The following UACA variants were observed in gnomAD, a reference collection of about 807,000 sequenced individuals.
The protein encoded by UACA is uveal autoantigen with coiled-coil domains and ankyrin repeats, also known as nuclear membrane binding protein.
In UACA, 112 loss-of-function variants were observed where a neutral mutation model predicts 160.5. The observed-to-expected ratio is 0.70, with a 90% CI of 0.60 to 0.82. UACA has a LOEUF of 0.82. Among genes scored for constraint, UACA ranks in the 40% least tolerant of loss-of-function variants. The pLI is 0.00. For synonymous variants in UACA, 557 were observed against 568.4 expected (o/e 0.98, Z 0.29); for missense variants, 1,574 against 1,614.6 (o/e 0.97, Z 0.43).
At chr15:70,688,331 T>C (rs1757763352) in intron 5 of UACA, among the ~76,000 whole-genome samples, 2 of 152,172 alleles carry the variant, frequency 1.3e-5, no homozygotes, top group Admixed American at 1.3e-4. Flanking sequence ...CACATTATGC[T>C]TCTTTGACTA....
intron 16 of UACA, among the ~76,000 whole-genome samples, chr15:70,665,821 C>T (rs1177893985): frequency 6.6e-6 from 1 of 152,166 alleles, no homozygotes; most frequent in Non-Finnish European, 1.5e-5. Flanking sequence ...CAGTCTGTGT[C>T]TGTGTTTACT....
chr15:70,769,000 C>T, the UACA span, among the ~76,000 whole-genome samples: 1 of 152,104 alleles, frequency 6.6e-6, no homozygotes. Flanking sequence ...CCACCAGTTA[C>T]TCCATCACAA....
rs1035500924 is a variant in UACA at position 70,655,206 on chromosome 15, T to G, written c.*1850A>C. ...AAAATAAAACACTTAATATGAATAC[T>G]CAGTTTTAAACTTTGCTCTAAGTTT... On this transcript the variant is annotated 3_prime_UTR_variant, in exon 19 of 19. Coordinates refer to ENST00000322954, the MANE Select transcript of UACA (RefSeq NM_018003.4). 3 of 152,170 alleles carry G rather than the reference T, an allele frequency of 2.0e-5. No individual in the cohort carries two copies. Among genetic ancestry groups the G allele is most frequent in the Non-Finnish European group, 4.4e-5 (3 of 68,034 alleles). The allele number at this position is 152,170 out of a possible 1,614,324, so 9.4% of individuals were successfully genotyped here. A position where few individuals can be genotyped will look rare whatever the true frequency, so the allele number is the denominator to read the frequency against.
At position 70,668,598 on chromosome 15, in the gene UACA, G is replaced by C. The variant is rs557645324; in HGVS notation, c.2086C>G (p.Gln696Glu). 4 of 1,613,524 alleles carry C rather than the reference G, an allele frequency of 2.5e-6. No homozygotes were observed. The highest frequency in any genetic ancestry group is 2.5e-6 in the Non-Finnish European group (3 of 1,179,978). Residue 696 changes from glutamine (Q) to glutamate (E), a missense_variant, in exon 16 of 19, where the codon CAG becomes GAG. Gln to Glu is a conservative substitution (Grantham distance 29). Transcript: ENST00000322954. ...EHEQVKSRLE[Q>E]KSGELGKKIT... is the part of the protein sequence containing the mutation. ...TTCTTCCCAAGTTCTCCTGATTTCT[G>C]TTCTAATCTGCTCTTAACCTGTTCA...
At position 70,669,092 on chromosome 15, in the gene UACA, G is replaced by C; in HGVS notation, c.1592C>G (p.Ala531Gly). Residue 531 changes from alanine to glycine, a missense_variant, in exon 16 of 19, where the codon GCA becomes GGA. Transcript: ENST00000322954. Reference sequence around the variant, plus strand: ...GGTTAGTCTGTGATTCCCTGAGGCTGCTTCACTTGTTAAGTGTTCTTTAAG... The same window carrying C: ...GGTTAGTCTGTGATTCCCTGAGGCTCCTTCACTTGTTAAGTGTTCTTTAAG... The part of the protein sequence containing the change: ...LALKEHLTSE[A>G]ASGNHRLTEE... 6.2e-7 allele frequency: 1 copy of C among 1,614,032 alleles called. No individual in the cohort carries two copies. Among genetic ancestry groups the C allele is most frequent in the Non-Finnish European group, 8.5e-7 (1 of 1,179,992 alleles).
chr15:70,663,874 TG>T (rs1430275130), intron 17 of UACA, among the ~76,000 whole-genome samples: 1 of 56,630 alleles, frequency 1.8e-5, no homozygotes, highest in Non-Finnish European at 3.1e-5. Flanking sequence ...TGTTGTGGGG[TG>T]GGGGGAGGGG....
At chr15:70,660,575 T>A in intron 17 of UACA, 1 of 181,122 alleles carries the variant, frequency 5.5e-6, no homozygotes, top group Non-Finnish European at 1.1e-5. Context: ...ACCATGCCTC[T>A]GAGACTAAGG....
rs577024233 is a variant in UACA at position 70,671,093 on chromosome 15, T to C, written c.1169-2A>G. ...GTTTAAGAAGCATATCTTCTTTTCC[T>C]AAATAAATGCAAATGAATGACATTT... On this transcript the variant is annotated splice_acceptor_variant, in intron 14 of 18. Transcript: ENST00000322954. LOFTEE classifies it high-confidence loss of function. 5.0e-6 allele frequency: 8 copies of C among 1,586,724 alleles called. No individual in the cohort carries two copies. Among genetic ancestry groups the C allele is most frequent in the East Asian group, 2.3e-5 (1 of 44,312 alleles).
intron 15 of UACA, 107 bp from the exon 16 acceptor site, chr15:70,669,569 G>C (rs536252771): frequency 1.1e-6 from 1 of 877,696 alleles, no homozygotes; most frequent in Admixed American, 3.4e-5. Flanking sequence ...GGAATCAAAG[G>C]GTTTTCAGAT....
At chr15:70,687,024 T>G (rs886967904) in intron 7 of UACA, among the ~76,000 whole-genome samples, 1 of 152,062 alleles carries the variant, frequency 6.6e-6, no homozygotes, top group Non-Finnish European at 1.5e-5. Flanking sequence ...AGTACAGAAA[T>G]GGACAGGTTC....
At chr15:70,763,993 C>T (rs937897253), upstream of UACA, among the ~76,000 whole-genome samples, 8 of 152,356 alleles carry the variant, frequency 5.3e-5, no homozygotes, top group Admixed American at 3.3e-4. Context: ...TTTTCAGTCT[C>T]CTGTTTTACT....
At chr15:70,676,420 A>G in intron 13 of UACA, 73 bp downstream of exon 13, 1 of 1,106,978 alleles carries the variant, frequency 9.0e-7, no homozygotes, top group Middle Eastern at 3.0e-4. Flanking sequence ...TTATAATTCA[A>G]ATTCAAGTCT....
the UACA span, among the ~76,000 whole-genome samples, chr15:70,775,493 G>A: frequency 6.6e-6 from 1 of 152,002 alleles, no homozygotes; most frequent in Non-Finnish European, 1.5e-5. Flanking sequence ...TTCTCCTATG[G>A]ACCAAACAAA....
At chr15:70,743,813 A>T (rs1899610785) in intron 1 of UACA, among the ~76,000 whole-genome samples, 1 of 152,184 alleles carries the variant, frequency 6.6e-6, no homozygotes, top group Non-Finnish European at 1.5e-5. Context: ...AAAAGCCAAA[A>T]GCAAAAGACT....
At chr15:70,676,619 A>ATTT in intron 12 of UACA, 28 bp from the exon 13 acceptor site, 1 of 1,563,504 alleles carries the variant, frequency 6.4e-7, no homozygotes, top group Admixed American at 1.7e-5. Context: ...AAATACAGTA[A>ATTT]AATCACCCTG....
At position 70,676,593 on chromosome 15, in the gene UACA, T is replaced by A; in HGVS notation, c.1033-2A>T. 6.2e-7 allele frequency: 1 copy of A among 1,609,622 alleles called. No individual in the cohort carries two copies. Among genetic ancestry groups the A allele is most frequent in the Non-Finnish European group, 8.5e-7 (1 of 1,177,414 alleles). On this transcript the variant is annotated splice_acceptor_variant, in intron 12 of 18. Coordinates refer to ENST00000322954, the MANE Select transcript of UACA (RefSeq NM_018003.4). LOFTEE classifies it high-confidence loss of function. ...CAAAAGGGACTTCAGCTTTTCTCTC[T>A]GAAATGAAACAGAATAAATACAGTA... is the stretch of plus-strand genomic sequence containing the variant.
At chr15:70,685,432 ATGCTGTGT>A (rs1776045319) in intron 7 of UACA, among the ~76,000 whole-genome samples, 2 of 152,158 alleles carry the variant, frequency 1.3e-5, no homozygotes. Context: ...TCTGCTATGT[ATGCTGTGT>A]TTCTCATATT....
At chr15:70,688,616 C>T (rs999100657) in intron 5 of UACA, among the ~76,000 whole-genome samples, 2 of 151,874 alleles carry the variant, frequency 1.3e-5, no homozygotes, top group Admixed American at 1.3e-4. Flanking sequence ...ATAAACTGAA[C>T]CTGAAAACAT....
At chr15:70,691,946 G>C (rs905482049) in intron 3 of UACA, among the ~76,000 whole-genome samples, 1 of 152,098 alleles carries the variant, frequency 6.6e-6, no homozygotes, top group Admixed American at 6.5e-5. Flanking sequence ...AATGCCAAAG[G>C]GGGTAGGGAG....
Sources: gnomAD v4.1 joint callset for allele counts (sites outside exome capture counted in the v4.1 genomes callset) on GRCh38, gnomAD v4.1.1 for gene constraint, MANE v1.5 for transcripts, NCBI Gene and HGNC (gene_info 2026-07-23, HGNC 2026-07-21) for gene names.